Variants in TSHZ2 observed in about 807,000 individuals in gnomAD.
TSHZ2 encodes the protein teashirt homolog 2.
TSHZ2 carries 21 observed loss-of-function variants against 74.4 expected under a neutral mutation model. The observed-to-expected ratio is 0.28, with a 90% CI of 0.20 to 0.41. TSHZ2 has a LOEUF of 0.41. Among genes scored for constraint, TSHZ2 ranks in the 10% least tolerant of loss-of-function variants. TSHZ2 has a pLI of 1.00. For synonymous variants in TSHZ2, 540 were observed against 515.3 expected, an observed-to-expected ratio of 1.05 and a Z score of -0.65; for missense variants, 1,244 against 1,293.5, an observed-to-expected ratio of 0.96 and a Z score of 0.59.
In TSHZ2 at chr20:53,045,078, C is replaced by T. The variant is rs189318213; in HGVS notation, c.40+71745C>T. Reference sequence around the variant, plus strand: ...GTGACAAAGAAAAATCCCCAAATCTCAATAGCTTAAAACAACAAAGATGCA... The same window carrying T: ...GTGACAAAGAAAAATCCCCAAATCTTAATAGCTTAAAACAACAAAGATGCA... On this transcript the variant is annotated intron_variant, in intron 1 of 2. Transcript: ENST00000371497. 1.5e-3 allele frequency among the ~76,000 whole-genome samples: 234 copies of T among 152,254 alleles called. 1 individual carries two copies. Among genetic ancestry groups the T allele is most frequent in the Admixed American group, 3.0e-3 (46 of 15,300 alleles).
In TSHZ2 at chr20:53,286,886, TACACACACACACACACAC is replaced by T. The variant is rs71194467; in HGVS notation, c.*8+30338_*8+30355del. On this transcript the variant is annotated intron_variant, in intron 2 of 2. Transcript: ENST00000371497. The stretch of plus-strand genomic sequence containing the variant: ...ACAGAGCAAGACCCTGTCTCAAAAA[TACACACACACACACACAC>T]ACACACACACACACACACACACGTA... 2.1e-4 allele frequency among the ~76,000 whole-genome samples: 29 copies of T among 139,534 alleles called. No homozygotes were observed. The East Asian group carries it at 2.9e-3, about 14-fold the overall frequency. The allele number at this position is 139,534 out of a possible 152,430, so 91.5% of individuals were successfully genotyped here.
At chr20:53,266,924 C>T (rs1408202763) in intron 2 of TSHZ2, among the ~76,000 whole-genome samples, 1 of 151,926 alleles carries the variant, frequency 6.6e-6, no homozygotes, top group Non-Finnish European at 1.5e-5. Flanking sequence ...CTTACGGGTG[C>T]CACCACCACA....
At chr20:53,479,492 G>A (rs1174756777) in intron 2 of TSHZ2, among the ~76,000 whole-genome samples, 1 of 152,078 alleles carries the variant, frequency 6.6e-6, no homozygotes, top group Non-Finnish European at 1.5e-5. Flanking sequence ...GGGGTCTTGA[G>A]GATCATGAAC....
intron 1 of TSHZ2, among the ~76,000 whole-genome samples, chr20:53,187,971 A>G (rs1214483578): frequency 6.6e-6 from 1 of 152,126 alleles, no homozygotes; most frequent in Non-Finnish European, 1.5e-5. Context: ...TCCATATATC[A>G]TTAGAACCCT....
intron 2 of TSHZ2, among the ~76,000 whole-genome samples, chr20:53,401,543 C>A (rs1982659117): frequency 1.2e-5 from 1 of 85,802 alleles, no homozygotes; most frequent in Non-Finnish European, 2.2e-5. Context: ...CCCCTCACTC[C>A]TTCCAACCCC....
chr20:53,311,733 T>A (rs775475913), intron 2 of TSHZ2, among the ~76,000 whole-genome samples: 48 of 152,210 alleles, frequency 3.2e-4, no homozygotes, highest in African/African-American at 7.0e-4. Context: ...ACTGTGCCCA[T>A]CTTCATGAGG....
chr20:53,138,980 C>G (rs6097251), intron 1 of TSHZ2, among the ~76,000 whole-genome samples: 2,958 of 152,314 alleles, frequency 0.019, 87 homozygotes, highest in African/African-American at 0.068. Context: ...GTCTCACACA[C>G]AACTAATCTG....
At chr20:53,295,850 G>A (rs947598932) in intron 2 of TSHZ2, among the ~76,000 whole-genome samples, 1 of 151,908 alleles carries the variant, frequency 6.6e-6, no homozygotes, top group African/African-American at 2.4e-5. Flanking sequence ...TTCTTTTTTG[G>A]AGCATAGAAG....
chr20:52,990,270 T>C (rs1283572328), intron 1 of TSHZ2, among the ~76,000 whole-genome samples: 1 of 152,156 alleles, frequency 6.6e-6, no homozygotes, highest in Non-Finnish European at 1.5e-5. Flanking sequence ...TTCACTGAGA[T>C]GTCTACCCCT....
intron 1 of TSHZ2, among the ~76,000 whole-genome samples, chr20:53,243,640 G>T (rs538250583): frequency 6.6e-6 from 1 of 152,200 alleles, no homozygotes; most frequent in African/African-American, 2.4e-5. Context: ...ACCAAGGCCA[G>T]GAAGCCCTTT....
At chr20:53,291,135 C>T (rs1358638103) in intron 2 of TSHZ2, among the ~76,000 whole-genome samples, 1 of 152,150 alleles carries the variant, frequency 6.6e-6, no homozygotes, top group Non-Finnish European at 1.5e-5. Context: ...GTCACCAATT[C>T]ACGGTGAGGG....
At chr20:53,426,122 T>G (rs1983646855) in intron 2 of TSHZ2, among the ~76,000 whole-genome samples, 1 of 152,196 alleles carries the variant, frequency 6.6e-6, no homozygotes, top group African/African-American at 2.4e-5. Context: ...GAGTGCTGGC[T>G]TTTTTTCTTT....
At chr20:53,151,650 T>C (rs533974730) in intron 1 of TSHZ2, among the ~76,000 whole-genome samples, 1 of 152,346 alleles carries the variant, frequency 6.6e-6, no homozygotes, top group African/African-American at 2.4e-5. Context: ...GCTACATGAA[T>C]CACAGAAAAT....
intron 2 of TSHZ2, among the ~76,000 whole-genome samples, chr20:53,422,744 AG>A (rs1003839630): frequency 2.6e-5 from 4 of 152,252 alleles, no homozygotes; most frequent in African/African-American, 9.6e-5. Context: ...TGCTGGGAGG[AG>A]GGGAGAGAAC....
At chr20:53,427,003 C>T (rs534251480) in intron 2 of TSHZ2, among the ~76,000 whole-genome samples, 4 of 152,238 alleles carry the variant, frequency 2.6e-5, no homozygotes, top group African/African-American at 7.2e-5. Flanking sequence ...GCTTGATTGA[C>T]GGGGTCAGAT....
chr20:53,048,866 G>T (rs151126102), intron 1 of TSHZ2, among the ~76,000 whole-genome samples: 1 of 152,072 alleles, frequency 6.6e-6, no homozygotes, highest in Non-Finnish European at 1.5e-5. Context: ...CACGCCCTGC[G>T]TCACAGGTTT....
chr20:53,377,556 A>G (rs542285613), intron 2 of TSHZ2, among the ~76,000 whole-genome samples: 91 of 152,240 alleles, frequency 6.0e-4, no homozygotes, highest in African/African-American at 2.1e-3. Context: ...AGGTTTATAA[A>G]CTTTATAAAA....
At chr20:53,383,423 A>G (rs1981930028) in intron 2 of TSHZ2, among the ~76,000 whole-genome samples, 1 of 152,166 alleles carries the variant, frequency 6.6e-6, no homozygotes, top group Non-Finnish European at 1.5e-5. Flanking sequence ...TAGAAGTTCC[A>G]TAGGGGTGGA....
intron 1 of TSHZ2, among the ~76,000 whole-genome samples, chr20:53,224,476 T>C (rs1271956537): frequency 6.6e-6 from 1 of 152,222 alleles, no homozygotes; most frequent in Non-Finnish European, 1.5e-5. Context: ...AGAACAGAAC[T>C]GTTCTCATGA....
Sources: allele counts gnomAD v4.1 joint callset (sites outside exome capture counted in the v4.1 genomes callset), GRCh38; gene constraint gnomAD v4.1.1; transcripts MANE v1.5; gene names NCBI Gene and HGNC (gene_info 2026-07-23, HGNC 2026-07-21).